FAM161A: variants seen among roughly 807,000 people sequenced by gnomAD.
FAM161A encodes protein FAM161A.
Under a neutral mutation model 70.9 loss-of-function variants are expected in FAM161A, and 57 were observed. That is an observed-to-expected ratio of 0.80 (90% CI 0.65 to 1.00). FAM161A has a LOEUF of 1.00. FAM161A is among the 50% of genes least tolerant of loss of function. FAM161A has a pLI of 0.00. For missense variants in FAM161A, 880 were observed against 836.0 expected, an observed-to-expected ratio of 1.05 and a Z score of -0.65; for synonymous variants, 299 against 295.7, an observed-to-expected ratio of 1.01 and a Z score of -0.12.
the FAM161A span, among the ~76,000 whole-genome samples, chr2:61,814,829 C>A: frequency 6.6e-6 from 1 of 152,204 alleles, no homozygotes; most frequent in African/African-American, 2.4e-5. Flanking sequence ...AAATCCCTTG[C>A]CAACCTCTTC....
intron 1 of FAM161A, among the ~76,000 whole-genome samples, 192 bp from the exon 2 acceptor site, chr2:61,842,552 G>A (rs771600654): frequency 7.9e-5 from 12 of 152,194 alleles, no homozygotes; most frequent in African/African-American, 1.4e-4. Flanking sequence ...TTTTAAGAAC[G>A]AGAGGGAGCA....
Position 61,825,639 on chromosome 2 carries a change from C to CTTTT in FAM161A, c.*812_*815dup. The stretch of plus-strand genomic sequence containing the variant: ...TTGCAAGTATCCATTTTTTTCTATA[C>CTTTT]TTTTTTTTTTTTTTTGGAGACGGAG... On this transcript the variant is annotated 3_prime_UTR_variant, in exon 7 of 7. Transcript: ENST00000404929. 1.2e-5 allele frequency: 5 copies of CTTTT among 400,356 alleles called. No homozygotes were observed. Among genetic ancestry groups the CTTTT allele is most frequent in the Admixed American group, 3.2e-5 (1 of 31,062 alleles). The allele number at this position is 400,356 out of a possible 1,614,324, so 24.8% of individuals were successfully genotyped here.
intron 5 of FAM161A, among the ~76,000 whole-genome samples, chr2:61,831,423 C>T (rs1433676906): frequency 6.6e-6 from 1 of 152,238 alleles, no homozygotes; most frequent in East Asian, 1.9e-4. Context: ...ACCTCCAAAA[C>T]AATCATATTC....
intron 6 of FAM161A, 39 bp from the exon 7 acceptor site, chr2:61,826,638 G>T: frequency 6.3e-7 from 1 of 1,576,558 alleles, no homozygotes. Flanking sequence ...AAGGAAAAAT[G>T]AGTTGGTTTA....
intron 5 of FAM161A, among the ~76,000 whole-genome samples, chr2:61,832,635 G>C (rs1272026210): frequency 2.0e-5 from 3 of 152,202 alleles, no homozygotes; most frequent in African/African-American, 7.2e-5. Context: ...GAAGTGAGCA[G>C]TGGGAGGGCG....
At chr2:61,838,422 C>T in intron 4 of FAM161A, 116 bp downstream of exon 4, 5 of 880,466 alleles carry the variant, frequency 5.7e-6, no homozygotes, top group Middle Eastern at 3.0e-4. Flanking sequence ...CAATTTAAAT[C>T]CATAAGCTAA....
the FAM161A span, among the ~76,000 whole-genome samples, chr2:61,819,170 CA>C: frequency 6.6e-6 from 1 of 152,144 alleles, no homozygotes; most frequent in African/African-American, 2.4e-5. Flanking sequence ...GCTGTCTAGA[CA>C]AAAAGAGACT....
At chr2:61,830,100 T>C (rs951862417) in intron 5 of FAM161A, among the ~76,000 whole-genome samples, 3 of 152,172 alleles carry the variant, frequency 2.0e-5, no homozygotes, top group African/African-American at 7.2e-5. Context: ...TTGGTGAGAA[T>C]GGATGATTGT....
At chr2:61,803,802 G>A in the FAM161A span, among the ~76,000 whole-genome samples, 331 of 152,210 alleles carry the variant, frequency 2.2e-3, no homozygotes, top group Non-Finnish European at 3.7e-3. Flanking sequence ...CACAGAGAAA[G>A]ACTCTGTCTC....
At chr2:61,805,232 A>G in the FAM161A span, among the ~76,000 whole-genome samples, 4 of 152,048 alleles carry the variant, frequency 2.6e-5, no homozygotes, top group Non-Finnish European at 4.4e-5. Context: ...CCATGTATTG[A>G]TTTATGACTT....
At chr2:61,848,230 A>C (rs760235214) in intron 1 of FAM161A, among the ~76,000 whole-genome samples, 5 of 152,206 alleles carry the variant, frequency 3.3e-5, no homozygotes, top group Non-Finnish European at 7.3e-5. Flanking sequence ...TAGCTTCTGA[A>C]AGATGCGGCA....
intron 5 of FAM161A, among the ~76,000 whole-genome samples, chr2:61,829,635 GCATTAC>G (rs2105063449): frequency 6.6e-6 from 1 of 152,296 alleles, no homozygotes; most frequent in South Asian, 2.1e-4. Context: ...AGCTCTGAAT[GCATTAC>G]CAACAGTATA....
At chr2:61,844,702 TAAAAC>T (rs553077751) in intron 1 of FAM161A, among the ~76,000 whole-genome samples, 2 of 152,126 alleles carry the variant, frequency 1.3e-5, no homozygotes, top group East Asian at 3.9e-4. Context: ...CTGTCTCACT[TAAAAC>T]AAACAAACAA....
chr2:61,819,106 C>T, the FAM161A span, among the ~76,000 whole-genome samples: 2 of 152,172 alleles, frequency 1.3e-5, no homozygotes, highest in Non-Finnish European at 2.9e-5. Context: ...CTACAGATGA[C>T]TGGCCTGGAC....
At chr2:61,816,687 T>A in the FAM161A span, among the ~76,000 whole-genome samples, 1 of 152,076 alleles carries the variant, frequency 6.6e-6, no homozygotes, top group African/African-American at 2.4e-5. Context: ...CCCAGGCTGG[T>A]CTCGAACTCC....
At chr2:61,837,509 C>T (rs1186772388) in intron 4 of FAM161A, among the ~76,000 whole-genome samples, 1 of 152,162 alleles carries the variant, frequency 6.6e-6, no homozygotes, top group Non-Finnish European at 1.5e-5. Flanking sequence ...TGGCTCACGC[C>T]TGTAATCCCA....
At chr2:61,801,725 T>G in the FAM161A span, among the ~76,000 whole-genome samples, 4 of 152,036 alleles carry the variant, frequency 2.6e-5, no homozygotes, top group Non-Finnish European at 4.4e-5. Context: ...CACGCCTGGC[T>G]AATTTTTGTA....
intron 1 of FAM161A, among the ~76,000 whole-genome samples, chr2:61,848,840 A>ATATATATATTTATATATATATT (rs1673331011): frequency 1.7e-4 from 4 of 22,890 alleles, no homozygotes; most frequent in Non-Finnish European, 3.3e-4. Context: ...ATATATATTT[A>ATATATATATTTATATATATATT]TATATATATT....
chr2:61,839,573 T>C lies in FAM161A; in HGVS notation c.1431A>G (p.Glu477=). ...IKREKILADI[E]ADEENLKETR... ...TTTCTTTTAAATTTTCTTCATCTGC[T>C]TCGATGTCTGCCAAAATTTTTTCTC... The change falls in exon 3 of 7, where the codon GAA becomes GAG. Residue 477 remains glutamate, a synonymous_variant. Transcript: ENST00000404929. 1 of 1,614,226 alleles carries C rather than the reference T, an allele frequency of 6.2e-7. No homozygotes were observed. The highest frequency in any genetic ancestry group is 8.5e-7 in the Non-Finnish European group (1 of 1,180,042).
Sources: allele counts gnomAD v4.1 joint callset (sites outside exome capture counted in the v4.1 genomes callset), GRCh38; gene constraint gnomAD v4.1.1; transcripts MANE v1.5; gene names NCBI Gene and HGNC (gene_info 2026-07-23, HGNC 2026-07-21).